The following PARP1 variants were observed in gnomAD, a reference collection of about 807,000 sequenced individuals.
PARP1 encodes the protein poly [ADP-ribose] polymerase 1.
PARP1 carries 44 observed loss-of-function variants against 118.7 expected under a neutral mutation model. That is an observed-to-expected ratio of 0.37 (90% CI 0.29 to 0.48). The LOEUF is 0.48. Among genes scored for constraint, PARP1 ranks in the 20% least tolerant of loss-of-function variants. The pLI is 0.99. For synonymous variants in PARP1, 492 were observed against 483.2 expected (o/e 1.02, Z -0.24); for missense variants, 1,100 against 1,272.4 (o/e 0.86, Z 2.06).
intron 18 of PARP1, 40 bp from the exon 19 acceptor site, chr1:226,365,194 C>A: frequency 6.2e-7 from 1 of 1,609,462 alleles, no homozygotes; most frequent in Non-Finnish European, 8.5e-7. Flanking sequence ...CAAAAGAAGC[C>A]ATTTGTTACT....
Position 226,392,199 on chromosome 1 carries a change from C to T in PARP1, c.402G>A (p.Lys134=). 6.3e-7 allele frequency: 1 copy of T among 1,598,874 alleles called. No homozygotes were observed. The highest frequency in any genetic ancestry group is 8.6e-7 in the Non-Finnish European group (1 of 1,166,020). Residue 134 remains lysine, a splice_region_variant and synonymous_variant, in exon 3 of 23, where the codon AAG becomes AAA. Coordinates refer to ENST00000366794, the MANE Select transcript of PARP1 (RefSeq NM_001618.4). ...GGGATCTGGGCCCCCAAGATCTTAC[C>T]TTTTCTATCTTCTCCATACACCCCT... The part of the protein sequence containing the change: ...TCKGCMEKIE[K]GQVRLSKKMV...
intron 19 of PARP1, among the ~76,000 whole-genome samples, chr1:226,364,783 T>G (rs1281589803): frequency 6.6e-6 from 1 of 152,268 alleles, no homozygotes; most frequent in Non-Finnish European, 1.5e-5. Flanking sequence ...GATTAGCATC[T>G]GCAGCAGGCC....
intron 7 of PARP1, among the ~76,000 whole-genome samples, 183 bp downstream of exon 7, chr1:226,385,321 G>A (rs938700101): frequency 1.3e-5 from 2 of 152,162 alleles, no homozygotes; most frequent in African/African-American, 4.8e-5. Context: ...GAGGAGCTTC[G>A]GTTCTACATT....
Position 226,408,021 on chromosome 1 carries a change from C to T in PARP1, c.-92G>A. On this transcript the variant is annotated 5_prime_UTR_variant, in exon 1 of 23. Coordinates refer to ENST00000366794, the MANE Select transcript of PARP1 (RefSeq NM_001618.4). ...GCCGCCTCGCGTGCGCTCACCCAGCCGCAGGCGCCTGAGCGGCCAGAGCCG... is the reference window on the plus strand; with the variant it reads ...GCCGCCTCGCGTGCGCTCACCCAGCTGCAGGCGCCTGAGCGGCCAGAGCCG... 1.9e-6 allele frequency: 3 copies of T among 1,580,750 alleles called. No individual in the cohort carries two copies. The highest frequency in any genetic ancestry group is 2.6e-6 in the Non-Finnish European group (3 of 1,161,954).
chr1:226,390,145 T>C (rs1180209902), intron 4 of PARP1, among the ~76,000 whole-genome samples: 1 of 152,062 alleles, frequency 6.6e-6, no homozygotes, highest in Non-Finnish European at 1.5e-5. Context: ...GGAGCTCAGA[T>C]GTTGGAAGGG....
intron 5 of PARP1, among the ~76,000 whole-genome samples, chr1:226,388,161 T>C (rs968791300): frequency 5.3e-5 from 8 of 152,242 alleles, no homozygotes; most frequent in Non-Finnish European, 1.2e-4. Flanking sequence ...ATTTAATGGA[T>C]AGTTTTCTTC....
intron 2 of PARP1, among the ~76,000 whole-genome samples, chr1:226,397,961 GA>G (rs1333776940): frequency 0.033 from 3,961 of 121,808 alleles, 176 homozygotes; most frequent in African/African-American, 0.11. Flanking sequence ...ATCCACATGC[GA>G]AAAAAAAAAA....
Position 226,364,833 on chromosome 1 carries a change from G to A in PARP1, c.2658+169C>T, listed in dbSNP as rs141649139. Among the ~76,000 whole-genome samples, 341 of 152,346 alleles carry A rather than the reference G, an allele frequency of 2.2e-3. 1 individual carries two copies. Among genetic ancestry groups the A allele is most frequent in the Non-Finnish European group, 3.5e-3 (238 of 68,030 alleles). On this transcript the variant is annotated intron_variant, in intron 19 of 22. Transcript: ENST00000366794. ...CTGCCTCCTTTGTTCCAGAAACTGT[G>A]TTTGAAACCCCTGACAGGGTTAGGG...
intron 8 of PARP1, 147 bp downstream of exon 8, chr1:226,382,889 C>G: frequency 1.2e-6 from 1 of 836,986 alleles, no homozygotes. Context: ...AGAGGCCTAT[C>G]CCCTGCAGGG....
intron 2 of PARP1, among the ~76,000 whole-genome samples, chr1:226,395,212 G>A (rs1197130292): frequency 6.6e-6 from 1 of 152,042 alleles, no homozygotes; most frequent in Non-Finnish European, 1.5e-5. Context: ...ATAGAAAACA[G>A]GATGGAGGCT....
intron 4 of PARP1, among the ~76,000 whole-genome samples, 173 bp downstream of exon 4, chr1:226,390,237 C>T (rs3219040): frequency 0.02 from 3,058 of 152,248 alleles, 113 homozygotes; most frequent in African/African-American, 0.07. Flanking sequence ...TCTTTCCCTA[C>T]CCTGTCCTTT....
In PARP1 at chr1:226,388,761, G is replaced by A; in HGVS notation, c.618-6C>T. The A allele has an allele frequency of 1.2e-6, 2 of 1,606,508 alleles. No homozygotes were observed. The highest frequency in any genetic ancestry group is 1.7e-6 in the Non-Finnish European group (2 of 1,173,204). On this transcript the variant is annotated splice_region_variant and splice_polypyrimidine_tract_variant and intron_variant, in intron 4 of 22. Coordinates refer to ENST00000366794, the MANE Select transcript of PARP1 (RefSeq NM_001618.4). Reference sequence around the variant, plus strand: ...CCTCATCGCCTTTTCTCTTTCTGAAGGAGACACAGGATATGAGAGACAGCC... The same window carrying A: ...CCTCATCGCCTTTTCTCTTTCTGAAAGAGACACAGGATATGAGAGACAGCC...
intron 2 of PARP1, among the ~76,000 whole-genome samples, chr1:226,399,732 G>A (rs897248980): frequency 5.9e-5 from 9 of 152,188 alleles, no homozygotes; most frequent in South Asian, 4.1e-4. Flanking sequence ...CTCCGATAAC[G>A]ATGTGTCAAT....
At position 226,408,073 on chromosome 1, in the gene PARP1, G is replaced by A. The variant is rs975423673; in HGVS notation, c.-144C>T. ...CACCGAACACGCCGCACCGGCCACC[G>A]CCGTTCCCTGATAGATTGCTGATGC... On this transcript the variant is annotated 5_prime_UTR_variant, in exon 1 of 23. Transcript: ENST00000366794. 3.4e-6 allele frequency: 4 copies of A among 1,193,530 alleles called. No homozygotes were observed. Among genetic ancestry groups the A allele is most frequent in the South Asian group, 2.6e-5 (2 of 77,296 alleles). 73.9% of individuals were successfully genotyped at this position (1,193,530 alleles called of 1,614,324 possible).
At position 226,362,201 on chromosome 1, in the gene PARP1, T is replaced by A. The variant is rs1664158737; in HGVS notation, c.2849-118A>T. 5 of 670,062 alleles carry A rather than the reference T, an allele frequency of 7.5e-6. No individual in the cohort carries two copies. In the East Asian group the frequency reaches 1.4e-4, roughly 19 times the overall value. 41.5% of individuals were successfully genotyped at this position (670,062 alleles called of 1,614,324 possible). A position where few individuals can be genotyped will look rare whatever the true frequency, so the allele number is the denominator to read the frequency against. Reference sequence around the variant, plus strand: ...TGGTCTTTCTTTTTTTTTTTTTTCCTTTTTGAGATGGAGTCTCACTGTCGC... The same window carrying A: ...TGGTCTTTCTTTTTTTTTTTTTTCCATTTTGAGATGGAGTCTCACTGTCGC... On this transcript the variant is annotated intron_variant, in intron 21 of 22. Transcript: ENST00000366794.
chr1:226,374,161 T>C, intron 14 of PARP1, 65 bp downstream of exon 14: 1 of 1,588,424 alleles, frequency 6.3e-7, no homozygotes, highest in South Asian at 1.1e-5. Context: ...AGACAGCTCT[T>C]CACTAGCTCA....
intron 7 of PARP1, 89 bp downstream of exon 7, chr1:226,385,415 A>G (rs1664695469): frequency 9.3e-7 from 1 of 1,081,026 alleles, no homozygotes; most frequent in Non-Finnish European, 1.4e-6. Flanking sequence ...ATGGCCCTGC[A>G]ATCTCAGGGA....
intron 8 of PARP1, 124 bp from the exon 9 acceptor site, chr1:226,381,332 G>C (rs556476768): frequency 9.1e-7 from 1 of 1,099,574 alleles, no homozygotes; most frequent in Admixed American, 1.9e-5. Flanking sequence ...AAATACACTC[G>C]CGAGAAAACA....
intron 12 of PARP1, 144 bp downstream of exon 12, chr1:226,378,998 T>G: frequency 2.0e-6 from 2 of 975,610 alleles, no homozygotes; most frequent in Non-Finnish European, 3.3e-6. Context: ...GCAAAGGCCT[T>G]ATAATTTGTT....
Sources: gnomAD v4.1 joint callset for allele counts (sites outside exome capture counted in the v4.1 genomes callset) on GRCh38, gnomAD v4.1.1 for gene constraint, MANE v1.5 for transcripts, NCBI Gene and HGNC (gene_info 2026-07-23, HGNC 2026-07-21) for gene names.